Variants in FRMD8 observed in about 807,000 individuals in gnomAD.
The protein encoded by FRMD8 is FERM domain containing 8.
Under a neutral mutation model 54.2 loss-of-function variants are expected in FRMD8, and 37 were observed. That is an observed-to-expected ratio of 0.68 (90% confidence interval 0.53 to 0.90). FRMD8 has a LOEUF of 0.90. Ranked by LOEUF, FRMD8 falls within the 40% of genes least tolerant of loss-of-function variation. FRMD8 has a pLI of 0.00. For missense variants in FRMD8, 585 were observed against 653.7 expected (o/e 0.89, Z 1.15); for synonymous variants, 246 against 286.9 (o/e 0.86, Z 1.44).
rs1039539270 is a variant in FRMD8 at position 65,386,651 on chromosome 11, A to C, written c.-111A>C. ...GTGGCTTCCGCGTCGCTTCCCGGTCAGCTGCGTCCTTAGCGGGAGCCCGAG... is the reference window on the plus strand; with the variant it reads ...GTGGCTTCCGCGTCGCTTCCCGGTCCGCTGCGTCCTTAGCGGGAGCCCGAG... On this transcript the variant is annotated 5_prime_UTR_variant, in exon 1 of 11. Transcript: ENST00000317568. 62 of 221,146 alleles carry C rather than the reference A, an allele frequency of 2.8e-4. No homozygotes were observed. Among genetic ancestry groups the C allele is most frequent in the Non-Finnish European group, 3.5e-4 (39 of 112,760 alleles). The allele number at this position is 221,146 out of a possible 1,614,324, so 13.7% of individuals were successfully genotyped here.
At chr11:65,405,089 T>TGTGCACACACAAACACGCATGCGC (rs748816320) in intron 10 of FRMD8, 21 bp downstream of exon 10, 3 of 1,609,296 alleles carry the variant, frequency 1.9e-6, no homozygotes, top group East Asian at 4.5e-5. Flanking sequence ...CTTCTGTGCA[T>TGTGCACACACAAACACGCATGCGC]GTGCACACAC....
At chr11:65,380,299 C>T in the FRMD8 span, 3 of 1,391,702 alleles carry the variant, frequency 2.2e-6, no homozygotes, top group African/African-American at 2.9e-5. Context: ...CAGACACATG[C>T]AGCCACCTTC....
intron 8 of FRMD8, 87 bp downstream of exon 8, chr11:65,399,946 C>CT: frequency 6.7e-7 from 1 of 1,497,450 alleles, no homozygotes; most frequent in Non-Finnish European, 9.0e-7. Flanking sequence ...CTGTGGGGGC[C>CT]TGGGGGCAAG....
At chr11:65,386,826 T>G in intron 1 of FRMD8, 65 bp downstream of exon 1, 1 of 570,070 alleles carries the variant, frequency 1.8e-6, no homozygotes. Context: ...TTGCCCTGCC[T>G]GGGCATCCAG....
chr11:65,389,503 G>A lies in FRMD8; in HGVS notation c.228G>A (p.Ala76=), dbSNP rs371990682. 7.5e-6 allele frequency: 12 copies of A among 1,598,938 alleles called. No individual in the cohort carries two copies. Among genetic ancestry groups the A allele is most frequent in the Admixed American group, 1.7e-5 (1 of 58,666 alleles). ...QLPDIALDVF[A]LWLVSPLLEV... is the part of the protein sequence containing the mutation. ...CAGACATCGCCCTGGATGTCTTCGC[G>A]CTCTGGCTGGTCTCCCCTCTGCTGG... Residue 76 remains alanine, a synonymous_variant, in exon 3 of 11, where the codon GCG becomes GCA. Transcript: ENST00000317568.
chr11:65,403,083 G>A (rs974985324), intron 9 of FRMD8, among the ~76,000 whole-genome samples: 1 of 152,082 alleles, frequency 6.6e-6, no homozygotes, highest in African/African-American at 2.4e-5. Context: ...TCACTATGTT[G>A]CCCAGGCTAA....
intron 9 of FRMD8, among the ~76,000 whole-genome samples, chr11:65,403,475 A>G (rs930520014): frequency 2.0e-5 from 3 of 152,178 alleles, no homozygotes; most frequent in African/African-American, 7.2e-5. Flanking sequence ...GAGCCACGGC[A>G]CCTGGCCTGG....
chr11:65,373,612 A>C, the FRMD8 span, among the ~76,000 whole-genome samples: 1 of 152,072 alleles, frequency 6.6e-6, no homozygotes, highest in Non-Finnish European at 1.5e-5. Context: ...TTTGAGACAG[A>C]GTCTTGCTCC....
intron 5 of FRMD8, 57 bp from the exon 6 acceptor site, chr11:65,394,202 G>A: frequency 6.3e-7 from 1 of 1,593,024 alleles, no homozygotes. Context: ...GCCCAACTGA[G>A]CAGCTCTCCC....
chr11:65,381,156 G>A, the FRMD8 span: 8 of 153,114 alleles, frequency 5.2e-5, no homozygotes, highest in African/African-American at 1.9e-4. Context: ...TTGACACAGG[G>A]TCTTGCTGGT....
the FRMD8 span, chr11:65,375,282 G>C: frequency 2.6e-5 from 4 of 152,410 alleles, no homozygotes; most frequent in Non-Finnish European, 1.5e-5. Context: ...ACCTCAGGCA[G>C]CTCACAGTCC....
the FRMD8 span, among the ~76,000 whole-genome samples, chr11:65,372,647 T>C: frequency 1.3e-5 from 2 of 152,152 alleles, no homozygotes; most frequent in Admixed American, 6.6e-5. Context: ...AGAGGTTTAA[T>C]AGGCAAAGGG....
intron 4 of FRMD8, 55 bp downstream of exon 4, chr11:65,393,729 T>G: frequency 6.3e-6 from 9 of 1,438,212 alleles, no homozygotes; most frequent in Non-Finnish European, 8.6e-6. Context: ...TCTGCATCTC[T>G]GGCTCCCAGC....
At chr11:65,392,609 G>A (rs1284824815) in intron 3 of FRMD8, among the ~76,000 whole-genome samples, 2 of 152,182 alleles carry the variant, frequency 1.3e-5, no homozygotes, top group East Asian at 1.9e-4. Flanking sequence ...GAGCAGTGGT[G>A]GCATGGGGCA....
chr11:65,381,838 C>T, upstream of FRMD8: 1 of 1,585,752 alleles, frequency 6.3e-7, no homozygotes, highest in Non-Finnish European at 8.7e-7. Flanking sequence ...GTCTCTGCTC[C>T]TCCCATGTCA....
At chr11:65,376,679 G>T in the FRMD8 span, 1 of 1,613,742 alleles carries the variant, frequency 6.2e-7, no homozygotes, top group South Asian at 1.1e-5. Context: ...GCTGAGCCTG[G>T]GGCAGAGAGA....
At chr11:65,380,071 G>A in the FRMD8 span, 5 of 1,581,366 alleles carry the variant, frequency 3.2e-6, no homozygotes, top group South Asian at 1.1e-5. Context: ...TGATCTCAGG[G>A]CACCCTGACA....
At chr11:65,371,850 G>A in the FRMD8 span, among the ~76,000 whole-genome samples, 2 of 151,900 alleles carry the variant, frequency 1.3e-5, no homozygotes, top group Admixed American at 1.3e-4. Flanking sequence ...TCCTGACCTC[G>A]TGATCTGCCC....
intron 9 of FRMD8, among the ~76,000 whole-genome samples, chr11:65,402,227 C>T (rs575288153): frequency 1.3e-4 from 19 of 151,668 alleles, no homozygotes; most frequent in East Asian, 3.9e-4. Flanking sequence ...GGCACACGCC[C>T]GTAATCCCAG....
Sources: allele counts gnomAD v4.1 joint callset (sites outside exome capture counted in the v4.1 genomes callset), GRCh38; gene constraint gnomAD v4.1.1; transcripts MANE v1.5; gene names NCBI Gene and HGNC (gene_info 2026-07-23, HGNC 2026-07-21).